Variants in NNAT observed in about 807,000 individuals in gnomAD.
NNAT encodes the protein neuronatin.
Under a neutral mutation model 12.7 loss-of-function variants are expected in NNAT, and 8 were observed. The ratio of observed to expected loss-of-function variants is 0.63; its 90% CI spans 0.37 to 1.14. The LOEUF (loss-of-function observed/expected upper bound fraction) is 1.14, where lower values mean the gene tolerates loss of function less well. Among genes scored for constraint, NNAT ranks in the 50% most tolerant of loss-of-function variants. The pLI is 0.01. For synonymous variants in NNAT, 52 were observed against 48.5 expected (o/e 1.07, Z -0.30); for missense variants, 94 against 108.3 (o/e 0.87, Z 0.59).
rs1299872943 is a variant in NNAT at position 37,523,292 on chromosome 20, G to C, written c.*533G>C. 1 of 152,670 alleles carries C rather than the reference G, an allele frequency of 6.6e-6. No individual in the cohort carries two copies. Among genetic ancestry groups the C allele is most frequent in the African/African-American group, 2.4e-5 (1 of 41,464 alleles). 9.5% of individuals were successfully genotyped at this position (152,670 alleles called of 1,614,324 possible). Reference sequence around the variant, plus strand: ...CAGTGGGGCCCTCTCGCTGTCCCTTGCCCAGGGCACTTGCATTCCAGCCTC... The same window carrying C: ...CAGTGGGGCCCTCTCGCTGTCCCTTCCCCAGGGCACTTGCATTCCAGCCTC... On this transcript the variant is annotated 3_prime_UTR_variant, in exon 3 of 3. Coordinates refer to ENST00000649451, the MANE Select transcript of NNAT (RefSeq NM_005386.4).
At position 37,521,467 on chromosome 20, in the gene NNAT, C is replaced by A. The variant is rs2071569043; in HGVS notation, c.72+64C>A. The stretch of plus-strand genomic sequence containing the variant: ...ACTCGCGCCCCTAGAACCCGCAAGA[C>A]TGCGTCGCGATTGCCGCTTCCCGGA... On this transcript the variant is annotated intron_variant, in intron 1 of 2. Transcript: ENST00000649451. The surrounding 1 kb of genome is among the most constrained non-coding windows in gnomAD (Gnocchi z 4.5). 6.6e-7 allele frequency: 1 copy of A among 1,510,528 alleles called. No homozygotes were observed. Among genetic ancestry groups the A allele is most frequent in the African/African-American group, 1.4e-5 (1 of 73,028 alleles). The allele number at this position is 1,510,528 out of a possible 1,614,324, so 93.6% of individuals were successfully genotyped here.
At position 37,522,728 on chromosome 20, in the gene NNAT, TGGG is replaced by T; in HGVS notation, c.218_220del (p.Gly73del). 1 of 1,610,714 alleles carries T rather than the reference TGGG, an allele frequency of 6.2e-7. No individual in the cohort carries two copies. Among genetic ancestry groups the T allele is most frequent in the Non-Finnish European group, 8.5e-7 (1 of 1,179,026 alleles). On this transcript the variant is annotated inframe_deletion, in exon 3 of 3. Transcript: ENST00000649451. ...GTGTCGCGGACCGGGCGGCAGGTGT[TGGG>T]GGAGCGCAGGCAGCGAGCCCCCAAC... is the stretch of plus-strand genomic sequence containing the variant.
At position 37,522,548 on chromosome 20, in the gene NNAT, T is replaced by C. The variant is rs574034375; in HGVS notation, c.153+110T>C. ...GACAAGCTGCGCCCGCGCCCGCCTC[T>C]CCAGCCTACGCTGGATGGGCGGGCG... On this transcript the variant is annotated intron_variant, in intron 2 of 2. Transcript: ENST00000649451. 74 of 981,696 alleles carry C rather than the reference T, an allele frequency of 7.5e-5. No individual in the cohort carries two copies. The African/African-American group carries it at 1.3e-3, about 18-fold the overall frequency. The allele number at this position is 981,696 out of a possible 1,614,324, so 60.8% of individuals were successfully genotyped here.
rs919096931 is a variant in NNAT, at chr20:37,522,901, C to T, written c.*142C>T. 1 of 647,488 alleles carries T rather than the reference C, an allele frequency of 1.5e-6. No homozygotes were observed. The highest frequency in any genetic ancestry group is 1.8e-5 in the African/African-American group (1 of 54,464). 40.1% of individuals were successfully genotyped at this position (647,488 alleles called of 1,614,324 possible). A position where few individuals can be genotyped will look rare whatever the true frequency, so the allele number is the denominator to read the frequency against. On this transcript the variant is annotated 3_prime_UTR_variant, in exon 3 of 3. Transcript: ENST00000649451. ...AGCACTTGGCAAGGTCAGTGAGGGGCCAGTAGACCCCCGGAGAAGCAGTAC... is the reference window on the plus strand; with the variant it reads ...AGCACTTGGCAAGGTCAGTGAGGGGTCAGTAGACCCCCGGAGAAGCAGTAC...
intron 1 of NNAT, among the ~76,000 whole-genome samples, 158 bp from the exon 2 acceptor site, chr20:37,522,200 A>AT (rs971850735): frequency 1.1e-4 from 16 of 150,720 alleles, no homozygotes; most frequent in South Asian, 2.1e-4. Flanking sequence ...AATAATAATA[A>AT]AAAAAATAAA....
rs1418213563 is a variant in NNAT at position 37,521,670 on chromosome 20, G to C, written c.72+267G>C. On this transcript the variant is annotated intron_variant, in intron 1 of 2. Transcript: ENST00000649451. The surrounding 1 kb of genome is among the most constrained non-coding windows in gnomAD (Gnocchi z 4.5). Reference sequence around the variant, plus strand: ...GCGACCGCTGCGGACGATCACCCAGGCATTTAGCGACCTACGCGGTAAGAA... The same window carrying C: ...GCGACCGCTGCGGACGATCACCCAGCCATTTAGCGACCTACGCGGTAAGAA... The C allele has an allele frequency of 2.1e-6, 1 of 476,502 alleles. No individual in the cohort carries two copies. Among genetic ancestry groups the C allele is most frequent in the Non-Finnish European group, 3.8e-6 (1 of 263,606 alleles). The allele number at this position is 476,502 out of a possible 1,614,324, so 29.5% of individuals were successfully genotyped here. A position where few individuals can be genotyped will look rare whatever the true frequency, so the allele number is the denominator to read the frequency against.
rs2071645227 is a variant in NNAT at position 37,523,067 on chromosome 20, G to A, written c.*308G>A. 6.0e-6 allele frequency: 2 copies of A among 335,084 alleles called. No individual in the cohort carries two copies. The highest frequency in any genetic ancestry group is 1.1e-5 in the Non-Finnish European group (2 of 183,736). 20.8% of individuals were successfully genotyped at this position (335,084 alleles called of 1,614,324 possible). On this transcript the variant is annotated 3_prime_UTR_variant, in exon 3 of 3. Coordinates refer to ENST00000649451, the MANE Select transcript of NNAT (RefSeq NM_005386.4). The stretch of plus-strand genomic sequence containing the variant: ...GGCACCGCATTCTGATCTGGACAAA[G>A]TCGGGACAGCACCATCCCAGCCCCG...
At position 37,522,908 on chromosome 20, in the gene NNAT, A is replaced by C; in HGVS notation, c.*149A>C. 2 of 620,420 alleles carry C rather than the reference A, an allele frequency of 3.2e-6. No homozygotes were observed. Among genetic ancestry groups the C allele is most frequent in the East Asian group, 2.9e-5 (1 of 34,994 alleles). The allele number at this position is 620,420 out of a possible 1,614,324, so 38.4% of individuals were successfully genotyped here. On this transcript the variant is annotated 3_prime_UTR_variant, in exon 3 of 3. Coordinates refer to ENST00000649451, the MANE Select transcript of NNAT (RefSeq NM_005386.4). ...GGCAAGGTCAGTGAGGGGCCAGTAGACCCCCGGAGAAGCAGTACCGACAAT... is the reference window on the plus strand; with the variant it reads ...GGCAAGGTCAGTGAGGGGCCAGTAGCCCCCCGGAGAAGCAGTACCGACAAT...
In NNAT at chr20:37,522,735, G is replaced by A; in HGVS notation, c.222G>A (p.Glu74=). ...GGACCGGGCGGCAGGTGTTGGGGGA[G>A]CGCAGGCAGCGAGCCCCCAACTGAG... ...VSRTGRQVLG[E]RRQRAPN Residue 74 remains glutamate (E), a synonymous_variant, in exon 3 of 3, where the codon GAG becomes GAA. Transcript: ENST00000649451. The A allele has an allele frequency of 2.5e-6, 4 of 1,608,136 alleles. No individual in the cohort carries two copies.
Position 37,521,660 on chromosome 20 carries a change from G to C in NNAT, c.72+257G>C. ...GGCGCGGCGGGCGACCGCTGCGGACGATCACCCAGGCATTTAGCGACCTAC... is the reference window on the plus strand; with the variant it reads ...GGCGCGGCGGGCGACCGCTGCGGACCATCACCCAGGCATTTAGCGACCTAC... On this transcript the variant is annotated intron_variant, in intron 1 of 2. Transcript: ENST00000649451. The surrounding 1 kb of genome is among the most constrained non-coding windows in gnomAD (Gnocchi z 4.5). 3 of 503,892 alleles carry C rather than the reference G, an allele frequency of 6.0e-6. No individual in the cohort carries two copies. Among genetic ancestry groups the C allele is most frequent in the Non-Finnish European group, 1.1e-5 (3 of 279,524 alleles). The allele number at this position is 503,892 out of a possible 1,614,324, so 31.2% of individuals were successfully genotyped here.
chr20:37,522,598 G>GGGGGGGGGGCGCC, intron 2 of NNAT, 69 bp from the exon 3 acceptor site: 1 of 864,474 alleles, frequency 1.2e-6, no homozygotes, highest in Non-Finnish European at 1.7e-6. Context: ...GCGGGGGTGG[G>GGGGGGGGGGCGCC]CACGGCAGCA....
rs1261213727 is a variant in NNAT, at chr20:37,521,345, C to T, written c.14C>T (p.Ala5Val). MAAV[A>V]AASAELLIIG... The stretch of plus-strand genomic sequence containing the variant: ...ATTCTTGGAACCATGGCGGCAGTGG[C>T]GGCGGCCTCGGCTGAACTGCTCATC... Residue 5 changes from alanine to valine, a missense_variant, in exon 1 of 3, where the codon GCG becomes GTG. Ala to Val is a moderately conservative substitution (Grantham distance 64). Coordinates refer to ENST00000649451, the MANE Select transcript of NNAT (RefSeq NM_005386.4). This position sits in a 1 kb window ranked among gnomAD's most constrained non-coding sequence, Gnocchi z 4.5. The T allele has an allele frequency of 1.9e-6, 3 of 1,614,034 alleles. No individual in the cohort carries two copies. The highest frequency in any genetic ancestry group is 1.1e-5 in the South Asian group (1 of 91,078).
intron 1 of NNAT, among the ~76,000 whole-genome samples, chr20:37,522,101 A>G (rs1370783206): frequency 6.6e-6 from 1 of 151,478 alleles, no homozygotes; most frequent in Non-Finnish European, 1.5e-5. Flanking sequence ...GCTTTAAAGA[A>G]AAAAATTAGA....
At chr20:37,522,303 A>C in intron 1 of NNAT, 55 bp from the exon 2 acceptor site, 3 of 1,466,280 alleles carry the variant, frequency 2.0e-6, no homozygotes, top group Non-Finnish European at 2.9e-6. Context: ...CCTTTGCAGG[A>C]AGAATTCCCT....
rs950632740 is a variant in NNAT at position 37,523,450 on chromosome 20, C to T, written c.*691C>T. 1 of 152,604 alleles carries T rather than the reference C, an allele frequency of 6.6e-6. No individual in the cohort carries two copies. The highest frequency in any genetic ancestry group is 1.5e-5 in the Non-Finnish European group (1 of 68,078). 9.5% of individuals were successfully genotyped at this position (152,604 alleles called of 1,614,324 possible). A position where few individuals can be genotyped will look rare whatever the true frequency, so the allele number is the denominator to read the frequency against. On this transcript the variant is annotated 3_prime_UTR_variant, in exon 3 of 3. Transcript: ENST00000649451. ...AATGAATCCCACCTTTACTAAAACACTTTCTCTGAACCCCCCTTGCCCCTC... is the reference window on the plus strand; with the variant it reads ...AATGAATCCCACCTTTACTAAAACATTTTCTCTGAACCCCCCTTGCCCCTC...
intron 2 of NNAT, 69 bp from the exon 3 acceptor site, chr20:37,522,598 G>GGGGGGGGGGGGGGGTGCC: frequency 1.2e-6 from 1 of 864,466 alleles, no homozygotes. Flanking sequence ...GCGGGGGTGG[G>GGGGGGGGGGGGGGGTGCC]CACGGCAGCA....
chr20:37,523,250 AG>A lies in NNAT; in HGVS notation c.*494del, dbSNP rs2071653769. 1 of 153,548 alleles carries A rather than the reference AG, an allele frequency of 6.5e-6. No individual in the cohort carries two copies. Among genetic ancestry groups the A allele is most frequent in the Admixed American group, 6.5e-5 (1 of 15,320 alleles). 9.5% of individuals were successfully genotyped at this position (153,548 alleles called of 1,614,324 possible). A position where few individuals can be genotyped will look rare whatever the true frequency, so the allele number is the denominator to read the frequency against. On this transcript the variant is annotated 3_prime_UTR_variant, in exon 3 of 3. Transcript: ENST00000649451. The stretch of plus-strand genomic sequence containing the variant: ...GACTGGAGGGCACAGTTGAGGAAGG[AG>A]GGTGGTTAAGAAATACAGTGGGGCC...
chr20:37,522,620 C>A (rs2147191242), intron 2 of NNAT, 47 bp from the exon 3 acceptor site: 1 of 1,534,158 alleles, frequency 6.5e-7, no homozygotes, highest in Non-Finnish European at 8.9e-7. Context: ...CACAGACATG[C>A]TGTGGGTGCT....
In NNAT at chr20:37,522,351, C is replaced by T; in HGVS notation, c.73-7C>T. The stretch of plus-strand genomic sequence containing the variant: ...CTTTGCCAAAGGAATCGCATATTTC[C>T]TTCAAGGTGTTCCTGGAATGCTGCA... On this transcript the variant is annotated splice_polypyrimidine_tract_variant and splice_region_variant and intron_variant, in intron 1 of 2. Transcript: ENST00000649451. 1.9e-6 allele frequency: 3 copies of T among 1,613,180 alleles called. No homozygotes were observed. Among genetic ancestry groups the T allele is most frequent in the Non-Finnish European group, 2.5e-6 (3 of 1,179,336 alleles).
Sources: allele counts gnomAD v4.1 joint callset (sites outside exome capture counted in the v4.1 genomes callset), GRCh38; gene constraint gnomAD v4.1.1; non-coding constraint Gnocchi (gnomAD v3.1); transcripts MANE v1.5; gene names NCBI Gene and HGNC (gene_info 2026-07-23, HGNC 2026-07-21).